EMX1: variants seen among roughly 807,000 people sequenced by gnomAD.
EMX1 encodes homeobox protein EMX1.
EMX1 carries 10 observed loss-of-function variants against 20.1 expected under a neutral mutation model. The ratio of observed to expected loss-of-function variants is 0.50; its 90% CI spans 0.31 to 0.84. The LOEUF is 0.84. Ranked by LOEUF, EMX1 falls within the 40% of genes least tolerant of loss-of-function variation. The pLI is 0.05. For synonymous variants in EMX1, 250 were observed against 200.4 expected, an observed-to-expected ratio of 1.25 and a Z score of -2.09; for missense variants, 424 against 431.9, an observed-to-expected ratio of 0.98 and a Z score of 0.16.
At chr2:72,927,527 A>C (rs568929103) in intron 2 of EMX1, among the ~76,000 whole-genome samples, 22 of 152,166 alleles carry the variant, frequency 1.4e-4, no homozygotes, top group Middle Eastern at 3.4e-3. Context: ...CTTTGTTGTT[A>C]TTACTTAATT....
Position 72,917,978 on chromosome 2 carries a change from C to T in EMX1, c.126C>T (p.Gly42=). The T allele has an allele frequency of 1.3e-6, 2 of 1,487,764 alleles. No homozygotes were observed. Among genetic ancestry groups the T allele is most frequent in the Non-Finnish European group, 8.9e-7 (1 of 1,126,650 alleles). The allele number at this position is 1,487,764 out of a possible 1,614,324, so 92.2% of individuals were successfully genotyped here. Residue 42 remains glycine (G), a synonymous_variant, in exon 1 of 3, where the codon GGC becomes GGT. Transcript: ENST00000258106. Reference sequence around the variant, plus strand: ...TGTTCCAGCCCGCGGCCAAGCGCGGCTTTACCATAGAGTCCTTGGTGGCCA... The same window carrying T: ...TGTTCCAGCCCGCGGCCAAGCGCGGTTTTACCATAGAGTCCTTGGTGGCCA... ...ATMFQPAAKR[G]FTIESLVAKD...
At chr2:72,919,392 G>C (rs973983763) in intron 1 of EMX1, among the ~76,000 whole-genome samples, 1 of 151,850 alleles carries the variant, frequency 6.6e-6, no homozygotes, top group African/African-American at 2.4e-5. Context: ...TATTTTGTTA[G>C]TGTAGACCAG....
At chr2:72,918,669 G>A (rs1374263338) in intron 1 of EMX1, among the ~76,000 whole-genome samples, 2 of 152,346 alleles carry the variant, frequency 1.3e-5, no homozygotes, top group East Asian at 3.9e-4. Flanking sequence ...GCCACAGCCT[G>A]CCCAATTCTC....
Position 72,917,952 on chromosome 2 carries a change from A to T in EMX1, c.100A>T (p.Met34Leu). ...LPRTAPAAATMFQPAAKRGFT... is the reference protein window; with the variant it reads ...LPRTAPAAATLFQPAAKRGFT... ...TCGCACAGCTCCCGCGGCTGCGACC[A>T]TGTTCCAGCCCGCGGCCAAGCGCGG... is the stretch of plus-strand genomic sequence containing the variant. Residue 34 changes from methionine to leucine, a missense_variant, in exon 1 of 3, where the codon ATG becomes TTG. Physicochemically the swap from Met to Leu is conservative, Grantham distance 15. This residue lies in a region of EMX1 where 333 missense variants were observed against 296.6 expected (regional missense o/e 1.12). Coordinates refer to ENST00000258106, the MANE Select transcript of EMX1 (RefSeq NM_004097.3). 1 of 1,486,590 alleles carries T rather than the reference A, an allele frequency of 6.7e-7. No individual in the cohort carries two copies. Among genetic ancestry groups the T allele is most frequent in the Non-Finnish European group, 8.9e-7 (1 of 1,126,190 alleles). 92.1% of individuals were successfully genotyped at this position (1,486,590 alleles called of 1,614,324 possible). A position where few individuals can be genotyped will look rare whatever the true frequency, so the allele number is the denominator to read the frequency against.
intron 2 of EMX1, among the ~76,000 whole-genome samples, chr2:72,927,020 T>A (rs1449578644): frequency 6.6e-6 from 1 of 152,198 alleles, no homozygotes; most frequent in Non-Finnish European, 1.5e-5. Context: ...TTAATATCTG[T>A]ATCTGTCTCC....
intron 2 of EMX1, chr2:72,926,385 C>A: frequency 1.3e-6 from 1 of 770,284 alleles, no homozygotes; most frequent in Non-Finnish European, 1.6e-6. Context: ...ACGTATCCTG[C>A]TTCATTAACT....
upstream of EMX1, chr2:72,916,744 T>G (rs1670969333): frequency 2.8e-6 from 2 of 717,370 alleles, no homozygotes; most frequent in African/African-American, 3.5e-5. Flanking sequence ...GGCCCTGACC[T>G]GGTCCGGCCC....
At chr2:72,929,528 G>C (rs1671252357) in intron 2 of EMX1, among the ~76,000 whole-genome samples, 1 of 152,186 alleles carries the variant, frequency 6.6e-6, no homozygotes, top group South Asian at 2.1e-4. Flanking sequence ...CCCCAGGGAA[G>C]AGAGAAAGCT....
intron 2 of EMX1, among the ~76,000 whole-genome samples, chr2:72,927,393 G>GT (rs887745466): frequency 9.9e-5 from 15 of 152,238 alleles, no homozygotes; most frequent in African/African-American, 3.4e-4. Context: ...AAATTCCAGG[G>GT]TTTTTTCTAG....
chr2:72,931,483 A>G (rs10196568), intron 2 of EMX1, among the ~76,000 whole-genome samples: 48,996 of 152,076 alleles, frequency 0.32, 10,668 homozygotes, highest in African/African-American at 0.62. Context: ...TGAGTCACGC[A>G]CAGGAGGCAG....
At chr2:72,926,085 CAG>C (rs1671196001) in intron 2 of EMX1, 1 of 982,632 alleles carries the variant, frequency 1.0e-6, no homozygotes, top group Non-Finnish European at 1.2e-6. Flanking sequence ...TTCATTTAAA[CAG>C]TAATATTTAT....
intron 2 of EMX1, among the ~76,000 whole-genome samples, chr2:72,927,532 T>C (rs1671224611): frequency 6.7e-6 from 1 of 148,456 alleles, no homozygotes; most frequent in Non-Finnish European, 1.5e-5. Flanking sequence ...TTGTTATTAC[T>C]TAATTATCTG....
At chr2:72,926,296 C>T (rs1671199065) in intron 2 of EMX1, 3 of 985,008 alleles carry the variant, frequency 3.0e-6, no homozygotes, top group Non-Finnish European at 2.4e-6. Context: ...AGTTAGTAAA[C>T]GGACTGATTG....
chr2:72,925,740 A>C, intron 2 of EMX1: 1 of 985,220 alleles, frequency 1.0e-6, no homozygotes, highest in Non-Finnish European at 1.2e-6. Context: ...CCAGACCCAA[A>C]CTTCATCCGC....
chr2:72,917,402 T>G, upstream of EMX1: 1 of 227,764 alleles, frequency 4.4e-6, no homozygotes, highest in Non-Finnish European at 8.5e-6. Context: ...AGTCCGGCTT[T>G]TGCCTCCGAC....
chr2:72,932,343 A>T (rs1671299435), intron 2 of EMX1, among the ~76,000 whole-genome samples: 1 of 152,108 alleles, frequency 6.6e-6, no homozygotes, highest in Non-Finnish European at 1.5e-5. Context: ...AGAATCCAAG[A>T]GGTGCCCTGG....
upstream of EMX1, chr2:72,917,123 T>C (rs919820289): frequency 1.6e-6 from 1 of 616,350 alleles, no homozygotes; most frequent in Non-Finnish European, 3.0e-6. Context: ...GGAAAACCAA[T>C]GTGTTGGACC....
At position 72,917,523 on chromosome 2, in the gene EMX1, C is replaced by A; in HGVS notation, c.-330C>A. The A allele has an allele frequency of 5.3e-6, 1 of 187,978 alleles. No individual in the cohort carries two copies. The highest frequency in any genetic ancestry group is 1.1e-5 in the Non-Finnish European group (1 of 92,408). 11.6% of individuals were successfully genotyped at this position (187,978 alleles called of 1,614,324 possible). A position where few individuals can be genotyped will look rare whatever the true frequency, so the allele number is the denominator to read the frequency against. ...AGCGCGGGGCAGGTGCCCGCTAACT[C>A]GCGCCTCGCAGCGCTGGGCGGCCGG... is the stretch of plus-strand genomic sequence containing the variant. On this transcript the variant is annotated 5_prime_UTR_variant, in exon 1 of 3. Coordinates refer to ENST00000258106, the MANE Select transcript of EMX1 (RefSeq NM_004097.3).
At chr2:72,926,541 A>T (rs1671202275) in intron 2 of EMX1, among the ~76,000 whole-genome samples, 1 of 152,124 alleles carries the variant, frequency 6.6e-6, no homozygotes, top group South Asian at 2.1e-4. Flanking sequence ...AGATGGAGAG[A>T]TGGTTTGGAC....
Sources: allele counts gnomAD v4.1 joint callset (sites outside exome capture counted in the v4.1 genomes callset), GRCh38; gene constraint gnomAD v4.1.1; regional missense constraint gnomAD v4.1.1; transcripts MANE v1.5; gene names NCBI Gene and HGNC (gene_info 2026-07-23, HGNC 2026-07-21).